The following SEMA3C variants were observed in gnomAD, a reference collection of about 807,000 sequenced individuals.
SEMA3C encodes semaphorin 3C, also known as semaphorin-3C.
A neutral mutation model predicts 89.4 loss-of-function variants in SEMA3C; 47 were observed. That is an observed-to-expected ratio of 0.53 (90% CI 0.42 to 0.67). The LOEUF (loss-of-function observed/expected upper bound fraction) is 0.67, where lower values mean the gene tolerates loss of function less well. Ranked by LOEUF, SEMA3C falls within the 30% of genes least tolerant of loss-of-function variation. The pLI is 0.00. For synonymous variants in SEMA3C, 310 were observed against 320.2 expected (o/e 0.97, Z 0.34); for missense variants, 839 against 929.1 (o/e 0.90, Z 1.26).
At chr7:80,910,340 T>C (rs1185972246) in intron 2 of SEMA3C, among the ~76,000 whole-genome samples, 5 of 152,228 alleles carry the variant, frequency 3.3e-5, no homozygotes, top group Non-Finnish European at 7.3e-5. Context: ...GAGGATGGGT[T>C]GAAATGATTG....
chr7:80,805,495 T>C lies in SEMA3C; in HGVS notation c.658+144A>G, dbSNP rs1789317137. The C allele has an allele frequency of 5.3e-6, 3 of 561,626 alleles. No homozygotes were observed. In the African/African-American group the frequency reaches 5.8e-5, roughly 11 times the overall value. 34.8% of individuals were successfully genotyped at this position (561,626 alleles called of 1,614,324 possible). ...AATTGTTTATTTTCCCCGAATATTTTAAATCATAGGGTACAGAATTACCAT... is the reference window on the plus strand; with the variant it reads ...AATTGTTTATTTTCCCCGAATATTTCAAATCATAGGGTACAGAATTACCAT... On this transcript the variant is annotated intron_variant, in intron 7 of 17. Coordinates refer to ENST00000265361, the MANE Select transcript of SEMA3C (RefSeq NM_006379.5).
chr7:80,837,087 C>T (rs1790151521), intron 2 of SEMA3C, among the ~76,000 whole-genome samples: 1 of 152,128 alleles, frequency 6.6e-6, no homozygotes, highest in African/African-American at 2.4e-5. Context: ...TGAAGCAAGT[C>T]TGACTGATTT....
intron 5 of SEMA3C, among the ~76,000 whole-genome samples, chr7:80,812,342 C>T (rs534452686): frequency 1.3e-5 from 2 of 152,212 alleles, no homozygotes; most frequent in South Asian, 2.1e-4. Flanking sequence ...CAGAAGACCA[C>T]GTAGTTAAAG....
chr7:80,855,215 A>G (rs996457958), intron 2 of SEMA3C, among the ~76,000 whole-genome samples: 1 of 152,286 alleles, frequency 6.6e-6, no homozygotes, highest in Non-Finnish European at 1.5e-5. Context: ...TTACTTCAGG[A>G]CAATTGGCAC....
intron 12 of SEMA3C, among the ~76,000 whole-genome samples, chr7:80,767,610 T>G (rs1162037662): frequency 6.6e-6 from 1 of 152,150 alleles, no homozygotes; most frequent in African/African-American, 2.4e-5. Context: ...AACTAGTGAG[T>G]TGGATCATAA....
At chr7:80,854,653 A>G (rs1289735002) in intron 2 of SEMA3C, among the ~76,000 whole-genome samples, 1 of 152,170 alleles carries the variant, frequency 6.6e-6, no homozygotes, top group African/African-American at 2.4e-5. Context: ...ACCTGCATCC[A>G]TTATATTAAT....
intron 2 of SEMA3C, chr7:80,905,727 G>A: frequency 3.8e-6 from 2 of 531,916 alleles, no homozygotes; most frequent in Non-Finnish European, 6.6e-6. Context: ...GATAATTTTT[G>A]CTTTTAAAAT....
intron 11 of SEMA3C, among the ~76,000 whole-genome samples, chr7:80,794,772 G>T (rs940469445): frequency 6.6e-6 from 1 of 152,114 alleles, no homozygotes; most frequent in East Asian, 1.9e-4. Flanking sequence ...ATGTTTGCTC[G>T]GCCACAGAGT....
chr7:80,792,717 A>G (rs1788972591), intron 11 of SEMA3C, among the ~76,000 whole-genome samples: 1 of 152,212 alleles, frequency 6.6e-6, no homozygotes, highest in South Asian at 2.1e-4. Context: ...TGAATTTATC[A>G]CCTAGAAACA....
chr7:80,788,993 C>T (rs1423959611), intron 12 of SEMA3C, among the ~76,000 whole-genome samples: 1 of 152,054 alleles, frequency 6.6e-6, no homozygotes, highest in East Asian at 1.9e-4. Context: ...ATGGAAAGTG[C>T]AGCAGAGAAA....
chr7:80,769,842 G>C (rs1411595672), intron 12 of SEMA3C, among the ~76,000 whole-genome samples: 1 of 109,138 alleles, frequency 9.2e-6, no homozygotes, highest in Non-Finnish European at 1.7e-5. Flanking sequence ...CTGGGGGATA[G>C]AGCAAGACTC....
chr7:80,880,454 T>C (rs760588768), intron 2 of SEMA3C, among the ~76,000 whole-genome samples: 11 of 152,232 alleles, frequency 7.2e-5, no homozygotes, highest in East Asian at 1.9e-4. Flanking sequence ...AATGAATGAA[T>C]GAATTTGATG....
intron 2 of SEMA3C, among the ~76,000 whole-genome samples, chr7:80,903,581 G>T (rs1192257776): frequency 6.6e-6 from 1 of 152,114 alleles, no homozygotes; most frequent in Non-Finnish European, 1.5e-5. Context: ...AGAATCACTT[G>T]AACCCAGGAG....
rs57655836 is a variant in SEMA3C, at chr7:80,863,230, T to TAAAA, written c.104-34489_104-34486dup. On this transcript the variant is annotated intron_variant, in intron 2 of 17. Transcript: ENST00000265361. Reference sequence around the variant, plus strand: ...CTGGTGACAGAGCGAGACTCCATCTTAAAAAAAAAAAAAAAATAGCTCAAC... The same window carrying TAAAA: ...CTGGTGACAGAGCGAGACTCCATCTTAAAAAAAAAAAAAAAAAAAATAGCTCAAC... Among the ~76,000 whole-genome samples, 63 of 125,700 alleles carry TAAAA rather than the reference T, an allele frequency of 5.0e-4. 1 individual carries two copies. The highest frequency in any genetic ancestry group is 6.8e-4 in the East Asian group (3 of 4,380). 82.5% of individuals were successfully genotyped at this position (125,700 alleles called of 152,430 possible). A position where few individuals can be genotyped will look rare whatever the true frequency, so the allele number is the denominator to read the frequency against.
intron 2 of SEMA3C, among the ~76,000 whole-genome samples, chr7:80,857,245 A>G (rs2115969164): frequency 6.6e-6 from 1 of 152,294 alleles, no homozygotes. Flanking sequence ...AAGAGCACAT[A>G]AACACTCTCA....
intron 15 of SEMA3C, among the ~76,000 whole-genome samples, chr7:80,757,240 T>C (rs1429232589): frequency 6.6e-5 from 10 of 152,382 alleles, no homozygotes; most frequent in African/African-American, 2.4e-4. Context: ...CTCCCTCTGC[T>C]AACCCTAATT....
At chr7:80,750,443 T>C (rs1261243611) in intron 16 of SEMA3C, among the ~76,000 whole-genome samples, 1 of 39,662 alleles carries the variant, frequency 2.5e-5, no homozygotes, top group Non-Finnish European at 5.4e-5. Flanking sequence ...TACATATATA[T>C]ATATATATAT....
chr7:80,902,791 G>T (rs902600655), intron 2 of SEMA3C, among the ~76,000 whole-genome samples: 1 of 152,096 alleles, frequency 6.6e-6, no homozygotes, highest in Non-Finnish European at 1.5e-5. Context: ...ATTTCTAGAG[G>T]CCCATGGGTA....
At chr7:80,849,377 C>T (rs569285692) in intron 2 of SEMA3C, among the ~76,000 whole-genome samples, 26 of 151,602 alleles carry the variant, frequency 1.7e-4, no homozygotes, top group African/African-American at 6.3e-4. Context: ...CCATTGCTGA[C>T]AAAATACTTT....
Sources: gnomAD v4.1 joint callset for allele counts (sites outside exome capture counted in the v4.1 genomes callset) on GRCh38, gnomAD v4.1.1 for gene constraint, MANE v1.5 for transcripts, NCBI Gene and HGNC (gene_info 2026-07-23, HGNC 2026-07-21) for gene names.